WWOX: variants seen among roughly 807,000 people sequenced by gnomAD.
WWOX encodes WW domain containing oxidoreductase.
In WWOX, 69 loss-of-function variants were observed where a neutral mutation model predicts 46.2. The observed-to-expected ratio is 1.49, with a 90% CI of 1.23 to 1.82. The LOEUF is 1.82. WWOX is among the 40% of genes most tolerant of loss of function. The pLI is 0.00. For missense variants in WWOX, 919 were observed against 542.6 expected, an observed-to-expected ratio of 1.69 and a Z score of -6.89; for synonymous variants, 359 against 202.6, an observed-to-expected ratio of 1.77 and a Z score of -6.56.
chr16:78,371,608 T>A (rs1459014576), intron 5 of WWOX, among the ~76,000 whole-genome samples: 1 of 152,200 alleles, frequency 6.6e-6, no homozygotes, highest in Non-Finnish European at 1.5e-5. Context: ...GCTGTGTTAT[T>A]TGGCACATGC....
chr16:78,964,914 C>A (rs1349848561), intron 8 of WWOX, among the ~76,000 whole-genome samples: 6 of 152,220 alleles, frequency 3.9e-5, no homozygotes, highest in African/African-American at 1.4e-4. Flanking sequence ...AGGGTGGAAG[C>A]CCCAAGCCTT....
At chr16:79,054,427 T>C (rs1319716292) in intron 8 of WWOX, among the ~76,000 whole-genome samples, 1 of 152,208 alleles carries the variant, frequency 6.6e-6, no homozygotes, top group African/African-American at 2.4e-5. Flanking sequence ...TGATTTCCAT[T>C]TCAAGATGAC....
chr16:78,946,850 T>A (rs2045959009), intron 8 of WWOX, among the ~76,000 whole-genome samples: 3 of 152,046 alleles, frequency 2.0e-5, no homozygotes, highest in Admixed American at 1.3e-4. Context: ...CGTCACGGTG[T>A]AAGAATGGCC....
At chr16:78,127,514 C>CA (rs2033410815) in intron 4 of WWOX, among the ~76,000 whole-genome samples, 1 of 55,528 alleles carries the variant, frequency 1.8e-5, no homozygotes, top group African/African-American at 9.2e-5. Flanking sequence ...GAATAATCAA[C>CA]GGAAAAAAAA....
chr16:78,522,052 C>G (rs1247923747), intron 8 of WWOX, among the ~76,000 whole-genome samples: 1 of 151,240 alleles, frequency 6.6e-6, no homozygotes, highest in African/African-American at 2.4e-5. Flanking sequence ...AGTGGGAGAG[C>G]TGTTGCAAAC....
intron 8 of WWOX, among the ~76,000 whole-genome samples, chr16:78,979,936 G>A (rs974497661): frequency 2.0e-5 from 3 of 152,108 alleles, no homozygotes; most frequent in Non-Finnish European, 4.4e-5. Context: ...AGACCATCCT[G>A]GCTAACATGG....
intron 5 of WWOX, among the ~76,000 whole-genome samples, chr16:78,376,082 T>C (rs2081817534): frequency 6.6e-6 from 1 of 152,098 alleles, no homozygotes; most frequent in Admixed American, 6.5e-5. Flanking sequence ...ACTCCTGACC[T>C]CAAGTGATCC....
chr16:78,432,790 T>G, intron 8 of WWOX, 38 bp downstream of exon 8: 1 of 1,613,754 alleles, frequency 6.2e-7, no homozygotes, highest in Non-Finnish European at 8.5e-7. Context: ...ACACCTTGGG[T>G]CCTAGAGAAA....
At chr16:78,352,047 G>C (rs1275479220) in intron 5 of WWOX, among the ~76,000 whole-genome samples, 1 of 152,146 alleles carries the variant, frequency 6.6e-6, no homozygotes, top group African/African-American at 2.4e-5. Flanking sequence ...TGGAGTCAGC[G>C]AGACAGTAGA....
chr16:78,864,261 A>G (rs1303617187), intron 8 of WWOX, among the ~76,000 whole-genome samples: 1 of 149,636 alleles, frequency 6.7e-6, no homozygotes, highest in Non-Finnish European at 1.5e-5. Context: ...GCCCTTTTTT[A>G]CTTTACAGAT....
At chr16:78,456,367 A>G (rs1004072248) in intron 8 of WWOX, among the ~76,000 whole-genome samples, 1 of 150,790 alleles carries the variant, frequency 6.6e-6, no homozygotes, top group Non-Finnish European at 1.5e-5. Flanking sequence ...ACAAGTAGCA[A>G]TGGAAACAAA....
At chr16:78,539,518 T>A (rs1475295303) in intron 8 of WWOX, among the ~76,000 whole-genome samples, 1 of 152,220 alleles carries the variant, frequency 6.6e-6, no homozygotes, top group Non-Finnish European at 1.5e-5. Flanking sequence ...AAAAAATATT[T>A]AGTTAATTCT....
chr16:78,627,129 AATC>A (rs2046328819), intron 8 of WWOX, among the ~76,000 whole-genome samples: 2 of 152,136 alleles, frequency 1.3e-5, no homozygotes, highest in South Asian at 4.1e-4. Flanking sequence ...TTTAAATAAA[AATC>A]ATACTAGAGC....
At chr16:78,994,165 A>G (rs888874076) in intron 8 of WWOX, among the ~76,000 whole-genome samples, 1 of 152,192 alleles carries the variant, frequency 6.6e-6, no homozygotes, top group Non-Finnish European at 1.5e-5. Context: ...CCCTTCAGAC[A>G]AACTGCATCA....
At chr16:79,134,015 C>G (rs907261085) in intron 8 of WWOX, among the ~76,000 whole-genome samples, 17 of 152,164 alleles carry the variant, frequency 1.1e-4, no homozygotes, top group Admixed American at 3.9e-4. Flanking sequence ...ACTATCTAAG[C>G]AAGCATGTAG....
At chr16:78,388,960 A>T (rs1218441000) in intron 6 of WWOX, among the ~76,000 whole-genome samples, 2 of 136,192 alleles carry the variant, frequency 1.5e-5, no homozygotes, top group African/African-American at 2.5e-5. Context: ...CAAGAGCAAA[A>T]CTCTGTCTCA....
intron 5 of WWOX, among the ~76,000 whole-genome samples, chr16:78,351,481 G>A (rs2081182632): frequency 6.6e-6 from 1 of 152,168 alleles, no homozygotes; most frequent in Non-Finnish European, 1.5e-5. Flanking sequence ...CGCTTTAGGT[G>A]GGGCAGAGGG....
intron 5 of WWOX, among the ~76,000 whole-genome samples, chr16:78,225,176 T>G (rs1316995070): frequency 6.6e-6 from 1 of 152,214 alleles, no homozygotes; most frequent in African/African-American, 2.4e-5. Context: ...TATAGCCTCT[T>G]CCTCCAGGGC....
At chr16:78,419,709 G>A (rs1359654949) in intron 6 of WWOX, among the ~76,000 whole-genome samples, 1 of 150,434 alleles carries the variant, frequency 6.6e-6, no homozygotes, top group Non-Finnish European at 1.5e-5. Context: ...CAAACATAGG[G>A]GTATATTTTT....
Sources: allele counts gnomAD v4.1 joint callset (sites outside exome capture counted in the v4.1 genomes callset), GRCh38; gene constraint gnomAD v4.1.1; transcripts MANE v1.5; gene names NCBI Gene and HGNC (gene_info 2026-07-23, HGNC 2026-07-21).